Variants in SGSH observed in about 807,000 individuals in gnomAD.
The protein encoded by SGSH is heparan sulfate sulfatase.
SGSH carries 48 observed loss-of-function variants against 51.0 expected under a neutral mutation model. That is an observed-to-expected ratio of 0.94 (90% CI 0.75 to 1.20). SGSH has a LOEUF of 1.20. Among genes scored for constraint, SGSH ranks in the 50% most tolerant of loss-of-function variants. The probability of loss-of-function intolerance (pLI) is 0.00; values close to 1 mark genes in which losing one functional copy is unlikely to be tolerated. For missense variants in SGSH, 662 were observed against 717.8 expected, an observed-to-expected ratio of 0.92 and a Z score of 0.89; for synonymous variants, 321 against 313.4, an observed-to-expected ratio of 1.02 and a Z score of -0.26.
chr17:80,217,687 T>C (rs1056445631), intron 1 of SGSH, among the ~76,000 whole-genome samples: 4 of 151,418 alleles, frequency 2.6e-5, no homozygotes, highest in African/African-American at 7.3e-5. Context: ...GACTGATAGA[T>C]GGTGGGTATA....
chr17:80,211,913 A>C (rs2041681458), intron 7 of SGSH, 158 bp downstream of exon 7: 1 of 689,640 alleles, frequency 1.5e-6, no homozygotes, highest in South Asian at 1.6e-5. Flanking sequence ...TCTGAGCCTC[A>C]TTCTTTTCCT....
downstream of SGSH, chr17:80,204,756 G>A (rs2041189234): frequency 4.6e-6 from 2 of 437,202 alleles, no homozygotes; most frequent in South Asian, 5.7e-5. Context: ...CCTGGCTTCC[G>A]CCATCCTCCC....
downstream of SGSH, chr17:80,202,360 G>A (rs202094920): frequency 3.0e-5 from 49 of 1,613,306 alleles, no homozygotes; most frequent in Middle Eastern, 1.6e-4. Flanking sequence ...CATGCCCACC[G>A]CGTGAACTCT....
intron 1 of SGSH, among the ~76,000 whole-genome samples, chr17:80,218,062 C>A (rs2041957303): frequency 6.6e-6 from 1 of 152,204 alleles, no homozygotes; most frequent in African/African-American, 2.4e-5. Flanking sequence ...TTGATGATAC[C>A]CCAGCAGGCA....
rs544324749 is a variant in SGSH at position 80,209,700 on chromosome 17, C to T, written c.*752G>A. 1.0e-6 allele frequency: 1 copy of T among 983,968 alleles called. No homozygotes were observed. The highest frequency in any genetic ancestry group is 1.2e-6 in the Non-Finnish European group (1 of 829,748). 61.0% of individuals were successfully genotyped at this position (983,968 alleles called of 1,614,324 possible). A position where few individuals can be genotyped will look rare whatever the true frequency, so the allele number is the denominator to read the frequency against. ...TCACCACCCAGCAATGCCAGTGTCA[C>T]CGAAGAATTAACCCAAGCCAGAGGA... is the stretch of plus-strand genomic sequence containing the variant. On this transcript the variant is annotated 3_prime_UTR_variant, in exon 8 of 8. Coordinates refer to ENST00000326317, the MANE Select transcript of SGSH (RefSeq NM_000199.5).
Position 80,220,302 on chromosome 17 carries a change from G to C in SGSH, c.12C>G (p.Pro4=), listed in dbSNP as rs921772690. Residue 4 remains proline, a synonymous_variant, in exon 1 of 8, where the codon CCC becomes CCG. Coordinates refer to ENST00000326317, the MANE Select transcript of SGSH (RefSeq NM_000199.5). ...GCAGCAGCGCGCAGCAGGCGGGCAC[G>C]GGGCAGCTCATGGCGGCGGCGGCTC... The part of the protein sequence containing the change: MSC[P]VPACCALLLV... 4.4e-5 allele frequency: 67 copies of C among 1,505,830 alleles called. No individual in the cohort carries two copies. Among genetic ancestry groups the C allele is most frequent in the Non-Finnish European group, 5.6e-5 (64 of 1,134,088 alleles). 93.3% of individuals were successfully genotyped at this position (1,505,830 alleles called of 1,614,324 possible).
downstream of SGSH, chr17:80,201,950 C>G: frequency 1.3e-6 from 2 of 1,495,852 alleles, no homozygotes; most frequent in Non-Finnish European, 1.8e-6. This position sits in a 1 kb window ranked among gnomAD's most constrained non-coding sequence, Gnocchi z 5.0. Flanking sequence ...TTCTTCTGCA[C>G]GCCCAGCAGC....
downstream of SGSH, chr17:80,205,799 A>G: frequency 1.3e-6 from 1 of 744,660 alleles, no homozygotes; most frequent in South Asian, 2.2e-5. Context: ...GCCCAGCAGG[A>G]GCCCAAAACT....
chr17:80,219,724 C>G (rs983459131), intron 1 of SGSH: 1 of 149,534 alleles, frequency 6.7e-6, no homozygotes, highest in African/African-American at 2.5e-5. Context: ...CTGGAGGAAC[C>G]TGGGGTTTCT....
intron 1 of SGSH, 25 bp from the exon 2 acceptor site, chr17:80,217,217 T>C (rs896797821): frequency 1.3e-6 from 2 of 1,589,750 alleles, no homozygotes; most frequent in Non-Finnish European, 1.7e-6. Flanking sequence ...AGACAGAGAG[T>C]GCACGGTCGG....
Position 80,213,766 on chromosome 17 carries a change from C to A in SGSH, c.745+38G>T. ...CTGGCCCAGGATGGGGGACCCCGGC[C>A]GTGGCACCCCCTCCAGTGCCCGGTT... On this transcript the variant is annotated intron_variant, in intron 6 of 7. Coordinates refer to ENST00000326317, the MANE Select transcript of SGSH (RefSeq NM_000199.5). This position sits in a 1 kb window ranked among gnomAD's most constrained non-coding sequence, Gnocchi z 4.6. The A allele has an allele frequency of 3.9e-6, 6 of 1,551,036 alleles. No homozygotes were observed. The highest frequency in any genetic ancestry group is 4.4e-6 in the Non-Finnish European group (5 of 1,146,486).
chr17:80,220,178 TC>T (rs1183801319), intron 1 of SGSH, 47 bp downstream of exon 1: 10 of 1,422,456 alleles, frequency 7.0e-6, no homozygotes, highest in Admixed American at 6.5e-5. Flanking sequence ...AGTGGCCACT[TC>T]CCCGGGCCAC....
chr17:80,213,968 A>G lies in SGSH; in HGVS notation c.664-83T>C, dbSNP rs1172191587. Reference sequence around the variant, plus strand: ...AGCCTTCTCCCCGGGGCCTCCTGCAAATGGGTTAGCCCAGAACAGCCTCAC... The same window carrying G: ...AGCCTTCTCCCCGGGGCCTCCTGCAGATGGGTTAGCCCAGAACAGCCTCAC... On this transcript the variant is annotated intron_variant, in intron 5 of 7. Transcript: ENST00000326317. This position sits in a 1 kb window ranked among gnomAD's most constrained non-coding sequence, Gnocchi z 4.6. 7.8e-6 allele frequency: 11 copies of G among 1,409,314 alleles called. No individual in the cohort carries two copies. Among genetic ancestry groups the G allele is most frequent in the Non-Finnish European group, 1.1e-5 (11 of 1,023,838 alleles). The allele number at this position is 1,409,314 out of a possible 1,614,324, so 87.3% of individuals were successfully genotyped here.
downstream of SGSH, chr17:80,205,664 G>T: frequency 6.5e-7 from 1 of 1,544,652 alleles, no homozygotes; most frequent in South Asian, 1.2e-5. Context: ...TGAGGTCAAG[G>T]GCGGGGTGGG....
Position 80,209,465 on chromosome 17 carries a change from T to C in SGSH, c.*987A>G, listed in dbSNP as rs2041535441. 21 of 985,462 alleles carry C rather than the reference T, an allele frequency of 2.1e-5. No individual in the cohort carries two copies. Among genetic ancestry groups the C allele is most frequent in the Non-Finnish European group, 2.3e-5 (19 of 830,094 alleles). 61.0% of individuals were successfully genotyped at this position (985,462 alleles called of 1,614,324 possible). On this transcript the variant is annotated 3_prime_UTR_variant, in exon 8 of 8. Coordinates refer to ENST00000326317, the MANE Select transcript of SGSH (RefSeq NM_000199.5). ...GGCCGAGGGGTGTCCAGGCCGGGCT[T>C]CTGCTCCCGAGGTGGGTGGAGGCAG...
At chr17:80,216,973 C>T (rs1346794683) in intron 2 of SGSH, 59 bp downstream of exon 2, 54 of 1,466,112 alleles carry the variant, frequency 3.7e-5, no homozygotes, top group Non-Finnish European at 4.6e-5. Context: ...GAGGCCTGGG[C>T]CCCGGACGCA....
chr17:80,214,532 G>T, intron 4 of SGSH, 83 bp downstream of exon 4: 1 of 1,460,442 alleles, frequency 6.8e-7, no homozygotes, highest in Non-Finnish European at 9.4e-7. Flanking sequence ...GCCACGTGGG[G>T]GCCCATGCAT....
downstream of SGSH, chr17:80,206,056 G>A (rs1022514369): frequency 3.0e-5 from 5 of 168,404 alleles, no homozygotes; most frequent in Admixed American, 5.7e-5. Flanking sequence ...AGGGGCTGGC[G>A]GAGCTCCATG....
chr17:80,205,057 C>A (rs770965110), downstream of SGSH: 4 of 1,604,616 alleles, frequency 2.5e-6, no homozygotes, highest in Non-Finnish European at 3.4e-6. Flanking sequence ...GCTTCTGGGC[C>A]GAGAGCTGCC....
Sources: allele counts gnomAD v4.1 joint callset (sites outside exome capture counted in the v4.1 genomes callset), GRCh38; gene constraint gnomAD v4.1.1; non-coding constraint Gnocchi (gnomAD v3.1); transcripts MANE v1.5; gene names NCBI Gene and HGNC (gene_info 2026-07-23, HGNC 2026-07-21).